The following SUPT20H variants were observed in gnomAD, a reference collection of about 807,000 sequenced individuals.
The protein encoded by SUPT20H is transcription factor SPT20 homolog.
SUPT20H carries 82 observed loss-of-function variants against 122.8 expected under a neutral mutation model. The observed-to-expected ratio is 0.67, with a 90% CI of 0.56 to 0.80. The LOEUF (loss-of-function observed/expected upper bound fraction) is 0.80, where lower values mean the gene tolerates loss of function less well. Among genes scored for constraint, SUPT20H ranks in the 30% least tolerant of loss-of-function variants. The pLI, the probability that SUPT20H is intolerant of heterozygous loss-of-function variation, is 0.00. For synonymous variants in SUPT20H, 291 were observed against 313.0 expected, an observed-to-expected ratio of 0.93 and a Z score of 0.74; for missense variants, 831 against 921.6, an observed-to-expected ratio of 0.90 and a Z score of 1.27.
At chr13:37,041,070 A>G (rs1389654048) in intron 7 of SUPT20H, among the ~76,000 whole-genome samples, 1 of 152,208 alleles carries the variant, frequency 6.6e-6, no homozygotes, top group Admixed American at 6.5e-5. Flanking sequence ...TCATTACTAT[A>G]AAGTTTATCA....
rs965419464 is a variant in SUPT20H, at chr13:37,021,509, T to C, written c.1755A>G (p.Leu585=). ...TPAGINLSGL[L]PSGGLLPNAL... ...CATTTGGTAGCAGACCTCCTGAGGG[T>C]AGAAGGCCGCTCAGGTTTATTCCTG... Residue 585 remains leucine, a synonymous_variant, in exon 21 of 26, where the codon CTA becomes CTG. Coordinates refer to ENST00000350612, the MANE Select transcript of SUPT20H (RefSeq NM_001014286.3). 6.2e-7 allele frequency: 1 copy of C among 1,613,910 alleles called. No individual in the cohort carries two copies. Among genetic ancestry groups the C allele is most frequent in the Non-Finnish European group, 8.5e-7 (1 of 1,179,944 alleles).
chr13:37,036,343 T>C (rs1234759278), intron 9 of SUPT20H, among the ~76,000 whole-genome samples: 1 of 152,018 alleles, frequency 6.6e-6, no homozygotes, highest in Non-Finnish European at 1.5e-5. Context: ...TTTTTTTCTT[T>C]GAGACGGAGT....
intron 6 of SUPT20H, among the ~76,000 whole-genome samples, chr13:37,044,543 A>G (rs1210270904): frequency 6.6e-6 from 1 of 152,168 alleles, no homozygotes; most frequent in African/African-American, 2.4e-5. Context: ...GCCTTATCTG[A>G]AAAGTGGTCA....
intron 1 of SUPT20H, among the ~76,000 whole-genome samples, chr13:37,057,757 T>C (rs764259253): frequency 3.4e-4 from 52 of 152,044 alleles, no homozygotes; most frequent in Non-Finnish European, 4.4e-4. Context: ...GTGGATTGCT[T>C]CAGCCCTGGA....
intron 22 of SUPT20H, among the ~76,000 whole-genome samples, chr13:37,018,878 A>G (rs542249545): frequency 6.6e-6 from 1 of 152,204 alleles, no homozygotes; most frequent in Non-Finnish European, 1.5e-5. Context: ...CGAACTCCTG[A>G]GCTCAAGCAA....
In SUPT20H at chr13:37,033,522, A is replaced by T; in HGVS notation, c.634T>A (p.Ser212Thr). The T allele has an allele frequency of 6.2e-7, 1 of 1,613,748 alleles. No homozygotes were observed. ...TTTGCAGTGCAGGTGACTGCTATAG[A>T]AGGATCAAGACAGAGTGGTTCAGCT... ...ATAEPLCLDP[S>T]IAVTCTANRL... is the part of the protein sequence containing the mutation. Residue 212 changes from serine (S) to threonine (T), a missense_variant, in exon 10 of 26, where the codon TCT becomes ACT. Coordinates refer to ENST00000350612, the MANE Select transcript of SUPT20H (RefSeq NM_001014286.3).
At chr13:37,056,109 G>A (rs2068944011) in intron 1 of SUPT20H, among the ~76,000 whole-genome samples, 5 of 152,284 alleles carry the variant, frequency 3.3e-5, no homozygotes, top group Admixed American at 2.6e-4. Flanking sequence ...AAAAAGTCAG[G>A]AAACAACAGG....
In SUPT20H at chr13:37,047,601, T is replaced by C. The variant is rs1416028624; in HGVS notation, c.99A>G (p.Arg33=). The part of the protein sequence containing the change: ...PPKRKYLSSG[R]KSVFQKLYDL... Reference sequence around the variant, plus strand: ...CATAAAGTTTTTGAAATACAGATTTTCTAAAAAAATTTAATGAAACAAATA... The same window carrying C: ...CATAAAGTTTTTGAAATACAGATTTCCTAAAAAAATTTAATGAAACAAATA... The change falls in exon 5 of 26, where the codon AGA becomes AGG. Residue 33 remains arginine (R), a splice_region_variant and synonymous_variant. Coordinates refer to ENST00000350612, the MANE Select transcript of SUPT20H (RefSeq NM_001014286.3). 7.2e-7 allele frequency: 1 copy of C among 1,395,076 alleles called. No individual in the cohort carries two copies. The highest frequency in any genetic ancestry group is 1.4e-5 in the South Asian group (1 of 69,984). The allele number at this position is 1,395,076 out of a possible 1,614,324, so 86.4% of individuals were successfully genotyped here.
intron 5 of SUPT20H, among the ~76,000 whole-genome samples, chr13:37,045,982 A>AT (rs1284147365): frequency 6.6e-6 from 1 of 152,158 alleles, no homozygotes; most frequent in Non-Finnish European, 1.5e-5. Flanking sequence ...GATTTTAAAA[A>AT]TGCTTATAAT....
At position 37,031,488 on chromosome 13, in the gene SUPT20H, G is replaced by A. The variant is rs904087062; in HGVS notation, c.921+79C>T. Reference sequence around the variant, plus strand: ...TGTTTTTAAAGTAAGTTTTTTTTTTGTTTTCTCAAGGTATAAGCAACCGAA... The same window carrying A: ...TGTTTTTAAAGTAAGTTTTTTTTTTATTTTCTCAAGGTATAAGCAACCGAA... On this transcript the variant is annotated intron_variant, in intron 12 of 25. Coordinates refer to ENST00000350612, the MANE Select transcript of SUPT20H (RefSeq NM_001014286.3). 21 of 862,074 alleles carry A rather than the reference G, an allele frequency of 2.4e-5. No homozygotes were observed. The Admixed American group carries it at 5.4e-4, about 22-fold the overall frequency. 53.4% of individuals were successfully genotyped at this position (862,074 alleles called of 1,614,324 possible).
Position 37,010,269 on chromosome 13 carries a change from C to G in SUPT20H, c.2202+283G>C, listed in dbSNP as rs534936610. On this transcript the variant is annotated intron_variant, in intron 25 of 25. Coordinates refer to ENST00000350612, the MANE Select transcript of SUPT20H (RefSeq NM_001014286.3). ...AATATTAGAAAGTTAACAATTGGCA[C>G]TTACAACTGTCTTTCAAAATATACT... 5.3e-5 allele frequency among the ~76,000 whole-genome samples: 8 copies of G among 152,300 alleles called. No individual in the cohort carries two copies. In the East Asian group the frequency reaches 1.5e-3, roughly 29 times the overall value.
At chr13:37,055,880 C>T (rs1451660098) in intron 1 of SUPT20H, among the ~76,000 whole-genome samples, 1 of 152,076 alleles carries the variant, frequency 6.6e-6, no homozygotes, top group Non-Finnish European at 1.5e-5. Context: ...TGACAAAGGG[C>T]TAATATCCAG....
In SUPT20H at chr13:37,029,696, G is replaced by A. The variant is rs1594173833; in HGVS notation, c.993+69C>T. On this transcript the variant is annotated intron_variant, in intron 13 of 25. Transcript: ENST00000350612. The stretch of plus-strand genomic sequence containing the variant: ...CAAACTAATGGCAATTGCACTTTAT[G>A]TTTAATAAATTCAGAGGCCAGATTA... 23 of 1,392,152 alleles carry A rather than the reference G, an allele frequency of 1.7e-5. No homozygotes were observed. In the East Asian group the frequency reaches 5.2e-4, roughly 31 times the overall value. The allele number at this position is 1,392,152 out of a possible 1,614,324, so 86.2% of individuals were successfully genotyped here. A position where few individuals can be genotyped will look rare whatever the true frequency, so the allele number is the denominator to read the frequency against.
chr13:37,010,507 C>T (rs374054646), intron 25 of SUPT20H, 45 bp downstream of exon 25: 2 of 1,532,344 alleles, frequency 1.3e-6, no homozygotes, highest in East Asian at 4.5e-5. Flanking sequence ...ACTTTTGGAG[C>T]TGAGTATCTT....
chr13:37,017,413 C>A (rs2060699146), intron 22 of SUPT20H, 49 bp from the exon 23 acceptor site: 1 of 1,516,536 alleles, frequency 6.6e-7, no homozygotes, highest in South Asian at 1.2e-5. Flanking sequence ...GATTTTATAT[C>A]AAATATTTAA....
In SUPT20H at chr13:37,047,806, G is replaced by C. The variant is rs148591259; in HGVS notation, c.98+72C>G. On this transcript the variant is annotated intron_variant, in intron 4 of 25. Coordinates refer to ENST00000350612, the MANE Select transcript of SUPT20H (RefSeq NM_001014286.3). ...ATAAAATTTCTAGCTCAGTCCCTAC[G>C]AGGAATGCAATAAAAGGTAGCTATC... The C allele has an allele frequency of 3.6e-4, 514 of 1,442,630 alleles. 1 individual carries two copies. The African/African-American group carries it at 6.8e-3, about 19-fold the overall frequency. 89.4% of individuals were successfully genotyped at this position (1,442,630 alleles called of 1,614,324 possible). A position where few individuals can be genotyped will look rare whatever the true frequency, so the allele number is the denominator to read the frequency against.
chr13:37,025,240 C>T, intron 17 of SUPT20H, 80 bp downstream of exon 17: 1 of 1,234,660 alleles, frequency 8.1e-7, no homozygotes, highest in South Asian at 1.2e-5. Context: ...CTGTGCCTAG[C>T]CTCCAAAAAT....
chr13:37,027,331 AG>A (rs1275169204), intron 14 of SUPT20H, among the ~76,000 whole-genome samples: 1 of 152,076 alleles, frequency 6.6e-6, no homozygotes, highest in African/African-American at 2.4e-5. Context: ...AAAAAAAAGA[AG>A]AAAATGTATG....
chr13:37,049,998 AG>A (rs1429319932), intron 2 of SUPT20H, among the ~76,000 whole-genome samples: 2 of 152,152 alleles, frequency 1.3e-5, no homozygotes, highest in Admixed American at 6.5e-5. Flanking sequence ...CAGGAGGGTA[AG>A]GGGGAAAAAC....
Sources: gnomAD v4.1 joint callset for allele counts (sites outside exome capture counted in the v4.1 genomes callset) on GRCh38, gnomAD v4.1.1 for gene constraint, MANE v1.5 for transcripts, NCBI Gene and HGNC (gene_info 2026-07-23, HGNC 2026-07-21) for gene names.